Variants in TTLL13 observed in about 807,000 individuals in gnomAD.
TTLL13 encodes tubulin tyrosine ligase like 13, also known as tubulin polyglutamylase TTLL13.
the TTLL13 span, among the ~76,000 whole-genome samples, chr15:90,254,619 C>T: frequency 6.6e-6 from 1 of 151,562 alleles, no homozygotes; most frequent in Non-Finnish European, 1.5e-5. Flanking sequence ...GGGCAGATTG[C>T]TTGAACTCAG....
At chr15:90,259,711 T>C in the TTLL13 span, among the ~76,000 whole-genome samples, 1 of 152,230 alleles carries the variant, frequency 6.6e-6, no homozygotes, top group Non-Finnish European at 1.5e-5. Flanking sequence ...ACAAATCTCC[T>C]TTAGAAACCA....
At chr15:90,262,822 A>C in the TTLL13 span, 23 of 1,227,674 alleles carry the variant, frequency 1.9e-5, no homozygotes, top group Middle Eastern at 1.3e-3. Context: ...TGGAAGATGA[A>C]GTGAGAGAAT....
the TTLL13 span, among the ~76,000 whole-genome samples, chr15:90,261,524 G>A: frequency 6.6e-6 from 1 of 152,130 alleles, no homozygotes; most frequent in African/African-American, 2.4e-5. Flanking sequence ...CGAGTACGGT[G>A]GCTCACACCT....
At chr15:90,257,975 C>G in the TTLL13 span, 3 of 1,506,448 alleles carry the variant, frequency 2.0e-6, no homozygotes, top group Non-Finnish European at 2.7e-6. Flanking sequence ...GAGGGAGCCT[C>G]CTGCCTACAG....
At chr15:90,262,416 C>T in the TTLL13 span, 1 of 1,390,106 alleles carries the variant, frequency 7.2e-7, no homozygotes, top group Non-Finnish European at 9.4e-7. Flanking sequence ...CTGCTCTTTC[C>T]TCATCCCCAT....
At chr15:90,254,851 A>G in the TTLL13 span, among the ~76,000 whole-genome samples, 1 of 151,394 alleles carries the variant, frequency 6.6e-6, no homozygotes, top group South Asian at 2.1e-4. Context: ...GTCTCAGGGA[A>G]GGGGGAAAAA....
the TTLL13 span, chr15:90,258,201 T>C: frequency 6.2e-7 from 1 of 1,614,246 alleles, no homozygotes; most frequent in Non-Finnish European, 8.5e-7. Context: ...TGGAGGTACA[T>C]GTGCCTGTTT....
the TTLL13 span, chr15:90,261,972 C>T: frequency 6.7e-7 from 1 of 1,498,672 alleles, no homozygotes; most frequent in Non-Finnish European, 8.9e-7. Flanking sequence ...TTCCCACAGC[C>T]CTACTCTTGA....
the TTLL13 span, chr15:90,256,282 G>A: frequency 9.9e-6 from 16 of 1,614,190 alleles, no homozygotes; most frequent in East Asian, 8.9e-5. Context: ...TGATCTGCCA[G>A]CAATACATCT....
chr15:90,259,200 A>C, the TTLL13 span: 1 of 464,608 alleles, frequency 2.2e-6, no homozygotes, highest in Non-Finnish European at 3.6e-6. Context: ...TGTCCCTAAA[A>C]CACAAAAAAG....
At chr15:90,262,113 A>C in the TTLL13 span, 7 of 1,535,910 alleles carry the variant, frequency 4.6e-6, no homozygotes, top group African/African-American at 9.6e-5. Context: ...GACACAGAGA[A>C]GTATGCCCGC....
At chr15:90,258,279 A>C in the TTLL13 span, 1 of 1,613,854 alleles carries the variant, frequency 6.2e-7, no homozygotes, top group Non-Finnish European at 8.5e-7. Flanking sequence ...GGTGAGGATT[A>C]TCTCCTAGGC....
At chr15:90,258,944 G>C in the TTLL13 span, 1 of 1,614,074 alleles carries the variant, frequency 6.2e-7, no homozygotes, top group Non-Finnish European at 8.5e-7. Context: ...TAGGTGTCTG[G>C]CATGTGTTTA....
the TTLL13 span, among the ~76,000 whole-genome samples, chr15:90,254,275 A>G: frequency 7.3e-5 from 11 of 151,388 alleles, no homozygotes; most frequent in African/African-American, 1.5e-4. Flanking sequence ...CGGGCGGATC[A>G]TGAGGTCAGG....
the TTLL13 span, chr15:90,262,871 G>A: frequency 7.4e-7 from 1 of 1,354,100 alleles, no homozygotes; most frequent in East Asian, 2.5e-5. Flanking sequence ...GGGAAGGGAT[G>A]AGGGTAGAGT....
the TTLL13 span, chr15:90,262,616 C>G: frequency 1.3e-6 from 2 of 1,528,054 alleles, no homozygotes; most frequent in South Asian, 2.4e-5. Flanking sequence ...CAGGGCAGGG[C>G]TCCAGAGCCT....
the TTLL13 span, chr15:90,258,158 C>CA: frequency 6.2e-7 from 1 of 1,614,258 alleles, no homozygotes; most frequent in South Asian, 1.1e-5. Flanking sequence ...TTCTACGCCA[C>CA]AACTACCGAA....
the TTLL13 span, chr15:90,264,853 C>T: frequency 6.5e-7 from 1 of 1,536,102 alleles, no homozygotes; most frequent in African/African-American, 1.4e-5. Context: ...CTGAATGCAC[C>T]TTGCCCTCCA....
the TTLL13 span, chr15:90,257,737 G>A: frequency 3.1e-6 from 5 of 1,612,022 alleles, no homozygotes; most frequent in Non-Finnish European, 4.2e-6. Flanking sequence ...TCCCTACTCT[G>A]TTTTCTCCTG....
Sources: allele counts gnomAD v4.1 joint callset (sites outside exome capture counted in the v4.1 genomes callset), GRCh38; gene constraint gnomAD v4.1.1; transcripts MANE v1.5; gene names NCBI Gene and HGNC (gene_info 2026-07-23, HGNC 2026-07-21).